The following DOCK4 variants were observed in gnomAD, a reference collection of about 807,000 sequenced individuals.
The protein encoded by DOCK4 is dedicator of cytokinesis protein 4.
In DOCK4, 97 loss-of-function variants were observed where a neutral mutation model predicts 268.1. The ratio of observed to expected loss-of-function variants is 0.36; its 90% CI spans 0.31 to 0.43. The LOEUF (loss-of-function observed/expected upper bound fraction) is 0.43. Among genes scored for constraint, DOCK4 ranks in the 20% least tolerant of loss-of-function variants. DOCK4 has a pLI of 1.00. For synonymous variants in DOCK4, 954 were observed against 887.2 expected (o/e 1.08, Z -1.34); for missense variants, 2,145 against 2,455.7 (o/e 0.87, Z 2.67).
intron 1 of DOCK4, among the ~76,000 whole-genome samples, chr7:112,077,839 T>C (rs1808222246): frequency 2.6e-5 from 4 of 152,130 alleles, no homozygotes; most frequent in Admixed American, 2.6e-4. Flanking sequence ...TTATAATCAG[T>C]AAACTTATCA....
Position 112,008,005 on chromosome 7 carries a change from G to C in DOCK4, c.38-3874C>G, listed in dbSNP as rs1275322599. Among the ~76,000 whole-genome samples, 5 of 152,152 alleles carry C rather than the reference G, an allele frequency of 3.3e-5. No individual in the cohort carries two copies. In the East Asian group the frequency reaches 5.8e-4, roughly 18 times the overall value. On this transcript the variant is annotated intron_variant, in intron 1 of 52. Transcript: ENST00000428084. ...GCATTTTCCCCCAAATAATATCACG[G>C]TTTACCAAAGATGCCTATACAGTGT...
chr7:111,815,589 G>GATTTATTTATTT lies in DOCK4; in HGVS notation c.2931-3641_2931-3640insAAATAAATAAAT, dbSNP rs200633762. 7.5e-4 allele frequency among the ~76,000 whole-genome samples: 113 copies of GATTTATTTATTT among 150,464 alleles called. 1 individual carries two copies. The highest frequency in any genetic ancestry group is 2.8e-3 in the African/African-American group (112 of 39,956). Reference sequence around the variant, plus strand: ...TGCTACCACAAACAGCCAAATTACTGATTTATTTATTCATTTATTTATTTC... The same window carrying GATTTATTTATTT: ...TGCTACCACAAACAGCCAAATTACTGATTTATTTATTTATTTATTTATTCATTTATTTATTTC... On this transcript the variant is annotated intron_variant, in intron 27 of 52. Transcript: ENST00000428084.
chr7:111,976,917 TA>T, intron 8 of DOCK4: 4 of 458,420 alleles, frequency 8.7e-6, no homozygotes. Flanking sequence ...TCTGATTCTA[TA>T]GCCCTTATGA....
At chr7:111,813,803 G>C (rs527312264) in intron 27 of DOCK4, among the ~76,000 whole-genome samples, 2 of 152,278 alleles carry the variant, frequency 1.3e-5, no homozygotes, top group East Asian at 3.9e-4. Flanking sequence ...CTGTTCCAAA[G>C]TATTTTACTC....
At chr7:111,964,050 C>T (rs1797176284) in intron 8 of DOCK4, among the ~76,000 whole-genome samples, 2 of 139,146 alleles carry the variant, frequency 1.4e-5, no homozygotes, top group African/African-American at 5.7e-5. Flanking sequence ...ACCGAAAACC[C>T]ATCTGTACAT....
At position 112,179,653 on chromosome 7, in the gene DOCK4, T is replaced by C. The variant is rs776945570; in HGVS notation, c.37+26449A>G. On this transcript the variant is annotated intron_variant, in intron 1 of 52. Transcript: ENST00000428084. The stretch of plus-strand genomic sequence containing the variant: ...AAAGGAAGTTTTTCTAGAATCACTA[T>C]GTGATTTTTCTGACACATAAGGTCA... Among the ~76,000 whole-genome samples, 25 of 152,086 alleles carry C rather than the reference T, an allele frequency of 1.6e-4. 1 individual carries two copies. The South Asian group carries it at 2.1e-3, about 13-fold the overall frequency.
At chr7:112,019,416 TAACA>T (rs950592438) in intron 1 of DOCK4, among the ~76,000 whole-genome samples, 89 of 152,290 alleles carry the variant, frequency 5.8e-4, no homozygotes, top group African/African-American at 2.1e-3. Flanking sequence ...TTGTTATTAC[TAACA>T]AATAGTTATA....
intron 8 of DOCK4, among the ~76,000 whole-genome samples, chr7:111,972,702 G>T (rs972781252): frequency 1.9e-4 from 26 of 138,184 alleles, no homozygotes; most frequent in Admixed American, 1.7e-3. Flanking sequence ...ATTTATTATG[G>T]AAGTTTTTAA....
intron 1 of DOCK4, among the ~76,000 whole-genome samples, chr7:112,015,439 T>G (rs977264519): frequency 1.3e-5 from 2 of 152,176 alleles, no homozygotes; most frequent in African/African-American, 4.8e-5. Flanking sequence ...CTGCTCTGTC[T>G]ATGGAGTAGC....
intron 8 of DOCK4, among the ~76,000 whole-genome samples, chr7:111,948,255 T>C (rs1795779244): frequency 6.6e-6 from 1 of 152,198 alleles, no homozygotes; most frequent in Non-Finnish European, 1.5e-5. Context: ...TGCGAAATAG[T>C]AAATAGTTTT....
chr7:111,806,953 G>C (rs887115156), intron 30 of DOCK4, among the ~76,000 whole-genome samples: 7 of 152,184 alleles, frequency 4.6e-5, no homozygotes, highest in African/African-American at 1.7e-4. Flanking sequence ...CAAAATACAG[G>C]ATAAAAGTTT....
intron 1 of DOCK4, among the ~76,000 whole-genome samples, chr7:112,199,601 T>C (rs968840232): frequency 1.3e-5 from 2 of 152,210 alleles, no homozygotes; most frequent in South Asian, 4.1e-4. Context: ...TTTTGTCTTA[T>C]ATACTCTAGC....
intron 12 of DOCK4, among the ~76,000 whole-genome samples, chr7:111,933,457 G>A (rs1194434340): frequency 6.6e-6 from 1 of 151,464 alleles, no homozygotes; most frequent in East Asian, 1.9e-4. Context: ...ACCAGGCCCA[G>A]CTAATTTTTT....
chr7:111,741,784 TA>T, intron 45 of DOCK4, 123 bp from the exon 46 acceptor site: 12 of 1,332,888 alleles, frequency 9.0e-6, no homozygotes, highest in Non-Finnish European at 1.2e-5. Context: ...AGGGAGCTAT[TA>T]AAGCAAGTTC....
At chr7:111,958,808 T>A (rs576237575) in intron 8 of DOCK4, among the ~76,000 whole-genome samples, 1 of 152,274 alleles carries the variant, frequency 6.6e-6, no homozygotes, top group Admixed American at 6.5e-5. Flanking sequence ...AAAAAGTGAA[T>A]CAGTTCTACC....
intron 13 of DOCK4, among the ~76,000 whole-genome samples, chr7:111,905,097 T>G (rs1181969135): frequency 6.6e-6 from 1 of 152,214 alleles, no homozygotes; most frequent in South Asian, 2.1e-4. Flanking sequence ...TATGTTCCAA[T>G]TTTGCAAGGT....
intron 36 of DOCK4, among the ~76,000 whole-genome samples, chr7:111,770,999 T>C (rs1798092771): frequency 2.0e-5 from 3 of 152,254 alleles, no homozygotes; most frequent in Admixed American, 1.3e-4. Flanking sequence ...GTTCAATTAT[T>C]ATTGTGAAAG....
intron 1 of DOCK4, among the ~76,000 whole-genome samples, chr7:112,098,727 G>A (rs1350470201): frequency 6.7e-6 from 1 of 149,006 alleles, no homozygotes; most frequent in African/African-American, 2.5e-5. Context: ...TATAGATTAT[G>A]TAAAATTCAG....
At position 111,867,989 on chromosome 7, in the gene DOCK4, A is replaced by C. The variant is rs764791810; in HGVS notation, c.2275T>G (p.Ser759Ala). Residue 759 changes from serine to alanine, a missense_variant, in exon 22 of 53, where the codon TCA (serine) becomes GCA (alanine). Ser to Ala is a moderately conservative substitution (Grantham distance 99, BLOSUM62 1). Around this residue, in one of 2 missense-constraint regions of DOCK4, gnomAD observed 1,598 missense variants for 1,986.7 expected, o/e 0.80. Transcript: ENST00000428084. Reference protein sequence around the residue: ...ESKGSGALSQSQAVFLSSFPA... With the variant: ...ESKGSGALSQAQAVFLSSFPA... The stretch of plus-strand genomic sequence containing the variant: ...CATAGATGAAAAGAAATTACCTGTG[A>C]CTGAGATAATGCTCCAGACCCTTTG... 5 of 1,595,084 alleles carry C rather than the reference A, an allele frequency of 3.1e-6. No individual in the cohort carries two copies. The East Asian group carries it at 6.7e-5, about 21-fold the overall frequency.
Sources: gnomAD v4.1 joint callset for allele counts (sites outside exome capture counted in the v4.1 genomes callset) on GRCh38, gnomAD v4.1.1 for gene constraint, gnomAD v4.1.1 regional missense constraint, MANE v1.5 for transcripts, NCBI Gene and HGNC (gene_info 2026-07-23, HGNC 2026-07-21) for gene names.